DPYD: variants seen among roughly 807,000 people sequenced by gnomAD.
The protein encoded by DPYD is dihydropyrimidine dehydrogenase.
Under a neutral mutation model 116.2 loss-of-function variants are expected in DPYD, and 109 were observed. The observed-to-expected ratio is 0.94, with a 90% CI of 0.80 to 1.10. The LOEUF is 1.10. Among genes scored for constraint, DPYD ranks in the 50% least tolerant of loss-of-function variants. The pLI is 0.00. For missense variants in DPYD, 1,302 were observed against 1,254.5 expected, an observed-to-expected ratio of 1.04 and a Z score of -0.57; for synonymous variants, 440 against 432.0, an observed-to-expected ratio of 1.02 and a Z score of -0.23.
chr1:97,610,966 T>C (rs990708337), intron 8 of DPYD, among the ~76,000 whole-genome samples: 4 of 150,418 alleles, frequency 2.7e-5, no homozygotes, highest in Non-Finnish European at 5.9e-5. Flanking sequence ...TATCGGTGTG[T>C]TTGTGTGTGT....
chr1:97,750,111 A>T (rs1453972927), intron 3 of DPYD, among the ~76,000 whole-genome samples: 1 of 152,138 alleles, frequency 6.6e-6, no homozygotes, highest in Non-Finnish European at 1.5e-5. Context: ...TAAAAAACTA[A>T]TATATATTTT....
At chr1:97,814,414 A>G (rs1014664609) in intron 3 of DPYD, among the ~76,000 whole-genome samples, 1 of 152,162 alleles carries the variant, frequency 6.6e-6, no homozygotes, top group Admixed American at 6.6e-5. Context: ...TCTGTGGAAA[A>G]TGGATTTTTA....
chr1:97,117,085 A>C (rs925322114), intron 20 of DPYD, among the ~76,000 whole-genome samples: 25 of 151,844 alleles, frequency 1.6e-4, no homozygotes, highest in Middle Eastern at 3.2e-3. Flanking sequence ...AATCGCTTGA[A>C]CCCTGGAGGC....
chr1:97,138,480 C>T (rs1653968424), intron 20 of DPYD, among the ~76,000 whole-genome samples: 1 of 151,998 alleles, frequency 6.6e-6, no homozygotes, highest in Non-Finnish European at 1.5e-5. Flanking sequence ...TGAGTTCATC[C>T]GGTTAGAAGT....
At chr1:97,551,539 C>A (rs554456037) in intron 11 of DPYD, among the ~76,000 whole-genome samples, 28 of 152,032 alleles carry the variant, frequency 1.8e-4, no homozygotes, top group African/African-American at 6.3e-4. Flanking sequence ...TACAACAGAT[C>A]TGAAATAAAG....
chr1:97,527,541 T>C (rs1474588207), intron 12 of DPYD, among the ~76,000 whole-genome samples: 4 of 152,222 alleles, frequency 2.6e-5, no homozygotes, highest in African/African-American at 9.6e-5. Context: ...CCTATTCAAA[T>C]ATCATTAAGA....
chr1:97,270,004 G>C (rs931457013), intron 18 of DPYD, among the ~76,000 whole-genome samples: 5 of 152,180 alleles, frequency 3.3e-5, no homozygotes. Context: ...TGGCTCAAAT[G>C]AAGAACTGTA....
intron 8 of DPYD, among the ~76,000 whole-genome samples, chr1:97,600,184 A>G (rs148204019): frequency 2.0e-5 from 3 of 152,322 alleles, no homozygotes; most frequent in Non-Finnish European, 4.4e-5. Flanking sequence ...ACTGATTGTC[A>G]CTACTCTCAA....
At chr1:97,675,595 A>T (rs1272436662) in intron 8 of DPYD, among the ~76,000 whole-genome samples, 1 of 152,180 alleles carries the variant, frequency 6.6e-6, no homozygotes, top group Non-Finnish European at 1.5e-5. Context: ...AACAGACTTG[A>T]CTTAATACAA....
intron 18 of DPYD, among the ~76,000 whole-genome samples, chr1:97,289,865 G>C (rs956268130): frequency 3.3e-5 from 5 of 150,700 alleles, no homozygotes; most frequent in Admixed American, 6.6e-5. Context: ...ATGAAATAAA[G>C]GGTATTCAAT....
chr1:97,249,326 G>C (rs1217803264), intron 18 of DPYD, among the ~76,000 whole-genome samples: 3 of 151,874 alleles, frequency 2.0e-5, no homozygotes, highest in Admixed American at 6.6e-5. Context: ...GTTCAATGAG[G>C]GGAAAAAAGC....
intron 18 of DPYD, among the ~76,000 whole-genome samples, chr1:97,264,045 C>G (rs1664057898): frequency 6.6e-6 from 1 of 150,430 alleles, no homozygotes; most frequent in Non-Finnish European, 1.5e-5. Context: ...AAAATCAGAT[C>G]AATGCTGCAA....
At chr1:97,110,361 C>A (rs550325364) in intron 20 of DPYD, among the ~76,000 whole-genome samples, 20 of 152,158 alleles carry the variant, frequency 1.3e-4, no homozygotes, top group African/African-American at 4.8e-4. Context: ...CACTTTCACC[C>A]TCTGTCTTCT....
intron 16 of DPYD, among the ~76,000 whole-genome samples, chr1:97,333,756 GT>G: frequency 6.6e-6 from 1 of 151,582 alleles, no homozygotes; most frequent in East Asian, 1.9e-4. Flanking sequence ...TCCTGACCTC[GT>G]GATCCACCCG....
intron 3 of DPYD, among the ~76,000 whole-genome samples, chr1:97,789,828 C>T (rs1475569628): frequency 6.6e-6 from 1 of 152,190 alleles, no homozygotes; most frequent in East Asian, 1.9e-4. Context: ...AAATGCTCAA[C>T]CTCTGAGTAC....
At chr1:97,649,568 C>A (rs1406401725) in intron 8 of DPYD, among the ~76,000 whole-genome samples, 2 of 151,998 alleles carry the variant, frequency 1.3e-5, no homozygotes, top group Admixed American at 1.3e-4. Context: ...TACAATTAAT[C>A]ATGTATTTCT....
intron 18 of DPYD, among the ~76,000 whole-genome samples, chr1:97,251,618 C>T (rs1219430786): frequency 6.6e-6 from 1 of 151,856 alleles, no homozygotes; most frequent in Admixed American, 6.6e-5. Flanking sequence ...TTTAAAGAAG[C>T]CACATATATC....
At chr1:97,398,097 TC>T (rs1417160768) in intron 14 of DPYD, among the ~76,000 whole-genome samples, 1 of 151,866 alleles carries the variant, frequency 6.6e-6, no homozygotes, top group East Asian at 1.9e-4. Context: ...TCCTCCCCAC[TC>T]CCCCAACCCC....
intron 14 of DPYD, among the ~76,000 whole-genome samples, chr1:97,392,386 G>T (rs1439053116): frequency 6.7e-6 from 1 of 150,292 alleles, no homozygotes; most frequent in Admixed American, 6.6e-5. Flanking sequence ...ATAGGGTCTT[G>T]CTCCGTCACC....
Sources: gnomAD v4.1 joint callset for allele counts (sites outside exome capture counted in the v4.1 genomes callset) on GRCh38, gnomAD v4.1.1 for gene constraint, MANE v1.5 for transcripts, NCBI Gene and HGNC (gene_info 2026-07-23, HGNC 2026-07-21) for gene names.